The following EVA1C variants were observed in gnomAD, a reference collection of about 807,000 sequenced individuals.
EVA1C encodes the protein eva-1 homolog C, also known as protein eva-1 homolog C.
Under a neutral mutation model 45.4 loss-of-function variants are expected in EVA1C, and 25 were observed. The observed-to-expected ratio is 0.55, with a 90% CI of 0.40 to 0.77. The LOEUF (loss-of-function observed/expected upper bound fraction) is 0.77, where lower values mean the gene tolerates loss of function less well. EVA1C is among the 30% of genes least tolerant of loss of function. EVA1C has a pLI of 0.00. For missense variants in EVA1C, 479 were observed against 554.8 expected (o/e 0.86, Z 1.37); for synonymous variants, 190 against 221.2 (o/e 0.86, Z 1.25).
At chr21:32,473,848 C>G (rs2036466777) in intron 4 of EVA1C, 1 of 913,872 alleles carries the variant, frequency 1.1e-6, no homozygotes. Context: ...AGAGCTGAAC[C>G]TTCCATGTGA....
rs66551169 is a variant in EVA1C at position 32,426,425 on chromosome 21, A to AT, written c.160+13424dup. Among the ~76,000 whole-genome samples the AT allele has an allele frequency of 5.6e-3, 824 of 146,504 alleles. 7 individuals carry two copies. Among genetic ancestry groups the AT allele is most frequent in the African/African-American group, 0.017 (674 of 40,024 alleles). ...AGAAAGTCACGAAGATAGTGCAGAG[A>AT]TTTTTTTTTTTTGGCATCTCCCACT... On this transcript the variant is annotated intron_variant, in intron 1 of 7. Transcript: ENST00000300255.
intron 1 of EVA1C, among the ~76,000 whole-genome samples, chr21:32,424,120 C>A (rs374985236): frequency 6.6e-6 from 1 of 152,166 alleles, no homozygotes; most frequent in East Asian, 1.9e-4. Context: ...AAGGCCCATG[C>A]GATGCGTACT....
intron 2 of EVA1C, among the ~76,000 whole-genome samples, chr21:32,456,089 A>T (rs2035771277): frequency 6.6e-6 from 1 of 152,128 alleles, no homozygotes; most frequent in African/African-American, 2.4e-5. Flanking sequence ...ACAGGGTTTC[A>T]CTGTGTTAGT....
intron 7 of EVA1C, among the ~76,000 whole-genome samples, chr21:32,512,577 G>T (rs1008525676): frequency 1.3e-5 from 2 of 152,240 alleles, no homozygotes; most frequent in East Asian, 3.9e-4. Flanking sequence ...GAGAGGAGGG[G>T]AGGGGGCCAC....
In EVA1C at chr21:32,495,055, C is replaced by A; in HGVS notation, c.663C>A (p.Val221=). The A allele has an allele frequency of 6.2e-7, 1 of 1,614,090 alleles. No homozygotes were observed. The highest frequency in any genetic ancestry group is 1.1e-5 in the South Asian group (1 of 91,066). Residue 221 remains valine (V), a synonymous_variant, in exon 5 of 8, where the codon GTC becomes GTA. Coordinates refer to ENST00000300255, the MANE Select transcript of EVA1C (RefSeq NM_058187.5). ...GCTTGTCTTACTCAGCTTTGCAAGT[C>A]CTATCCCGAAGGTGCTATGGGAAGC... ...FDCLSYSALQ[V]LSRRCYGKQR... is the part of the protein sequence containing the mutation.
chr21:32,411,740 G>A (rs1601174426), upstream of EVA1C, among the ~76,000 whole-genome samples: 2 of 152,208 alleles, frequency 1.3e-5, no homozygotes, highest in African/African-American at 4.8e-5. Context: ...TGTGCCTAGC[G>A]CCCGCCCTCC....
In EVA1C at chr21:32,480,700, C is replaced by T. The variant is rs142081765; in HGVS notation, c.634+12852C>T. Among the ~76,000 whole-genome samples the T allele has an allele frequency of 3.2e-4, 49 of 151,952 alleles. No homozygotes were observed. The East Asian group carries it at 7.2e-3, about 22-fold the overall frequency. On this transcript the variant is annotated intron_variant, in intron 4 of 7. Coordinates refer to ENST00000300255, the MANE Select transcript of EVA1C (RefSeq NM_058187.5). ...TTTTTTTGCCGGACACAGTGGCTCA[C>T]GCCTATAATCCCAGCACTTTGGGAA...
intron 1 of EVA1C, among the ~76,000 whole-genome samples, chr21:32,430,874 G>A (rs1163467398): frequency 6.7e-6 from 1 of 149,872 alleles, no homozygotes; most frequent in Non-Finnish European, 1.5e-5. Context: ...TCGGGAGGCT[G>A]AGGCACGAAA....
intron 3 of EVA1C, among the ~76,000 whole-genome samples, chr21:32,462,316 C>T (rs1176335588): frequency 6.6e-6 from 1 of 151,922 alleles, no homozygotes; most frequent in Non-Finnish European, 1.5e-5. Flanking sequence ...ATTGCTTGAG[C>T]CCAGGAGTTT....
chr21:32,509,212 C>T (rs969752888), intron 7 of EVA1C, among the ~76,000 whole-genome samples: 1 of 152,190 alleles, frequency 6.6e-6, no homozygotes, highest in African/African-American at 2.4e-5. Flanking sequence ...TCCAGCTGAC[C>T]AACATCTGGT....
chr21:32,471,799 T>C (rs561934102), intron 4 of EVA1C, among the ~76,000 whole-genome samples: 1 of 152,076 alleles, frequency 6.6e-6, no homozygotes, highest in South Asian at 2.1e-4. Context: ...CCACTATTTT[T>C]TTGTATTTTT....
intron 2 of EVA1C, among the ~76,000 whole-genome samples, chr21:32,455,593 C>T (rs1002975124): frequency 2.6e-5 from 4 of 152,094 alleles, no homozygotes; most frequent in African/African-American, 9.7e-5. Flanking sequence ...TCCCAGGCTA[C>T]CTGCTGCCCT....
chr21:32,490,514 G>A (rs1297244148), intron 4 of EVA1C, among the ~76,000 whole-genome samples: 1 of 152,054 alleles, frequency 6.6e-6, no homozygotes, highest in East Asian at 1.9e-4. Context: ...CCATTTGAAG[G>A]GGAGAAAATG....
chr21:32,445,743 T>C (rs748790586), intron 1 of EVA1C, among the ~76,000 whole-genome samples: 2 of 152,214 alleles, frequency 1.3e-5, no homozygotes, highest in African/African-American at 2.4e-5. Context: ...ATTCAAAAAA[T>C]GAAAACCTAA....
chr21:32,446,763 ACT>A (rs1267942810), intron 1 of EVA1C, among the ~76,000 whole-genome samples: 2 of 151,954 alleles, frequency 1.3e-5, no homozygotes, highest in Non-Finnish European at 2.9e-5. Context: ...GGGCATCTTC[ACT>A]CTCAGTCCTG....
intron 6 of EVA1C, among the ~76,000 whole-genome samples, chr21:32,501,984 T>TTTTCTTTCTTTCTTTC (rs563785580): frequency 3.3e-5 from 4 of 120,438 alleles, no homozygotes; most frequent in East Asian, 2.5e-4. Flanking sequence ...TCTCTCGCTC[T>TTTTCTTTCTTTCTTTC]TTTCTTTCTT....
At chr21:32,473,239 G>T (rs1349375649) in intron 4 of EVA1C, among the ~76,000 whole-genome samples, 1 of 152,244 alleles carries the variant, frequency 6.6e-6, no homozygotes, top group African/African-American at 2.4e-5. Context: ...ACACCTGCGT[G>T]TGTTCCAACA....
chr21:32,494,970 A>G (rs2096458), intron 4 of EVA1C, 57 bp from the exon 5 acceptor site: 605,967 of 1,547,676 alleles, frequency 0.39, 121,676 homozygotes, highest in Admixed American at 0.56. Flanking sequence ...GCTGTAGGCT[A>G]TGTGGTGGCC....
At chr21:32,413,864 C>G (rs1012976752) in intron 1 of EVA1C, among the ~76,000 whole-genome samples, 1 of 152,212 alleles carries the variant, frequency 6.6e-6, no homozygotes, top group African/African-American at 2.4e-5. Context: ...TCAGCCTTCC[C>G]CAGCCCAGCT....
Sources: gnomAD v4.1 joint callset for allele counts (sites outside exome capture counted in the v4.1 genomes callset) on GRCh38, gnomAD v4.1.1 for gene constraint, MANE v1.5 for transcripts, NCBI Gene and HGNC (gene_info 2026-07-23, HGNC 2026-07-21) for gene names.